The following PAM variants were observed in gnomAD, a reference collection of about 807,000 sequenced individuals.
PAM encodes the protein peptidylglycine alpha-amidating monooxygenase, also known as peptidyl-glycine alpha-amidating monooxygenase.
PAM carries 72 observed loss-of-function variants against 122.1 expected under a neutral mutation model. The ratio of observed to expected loss-of-function variants is 0.59; its 90% confidence interval spans 0.49 to 0.72. PAM has a LOEUF of 0.72. Ranked by LOEUF, PAM falls within the 30% of genes least tolerant of loss-of-function variation. The pLI, the probability that PAM is intolerant of heterozygous loss-of-function variation, is 0.00. For missense variants in PAM, 1,106 were observed against 1,183.7 expected (o/e 0.93, Z 0.96); for synonymous variants, 389 against 404.4 (o/e 0.96, Z 0.46).
At chr5:102,953,647 A>G (rs562032172) in intron 12 of PAM, among the ~76,000 whole-genome samples, 3 of 152,298 alleles carry the variant, frequency 2.0e-5, no homozygotes, top group Admixed American at 2.0e-4. Context: ...GCACAGAAGA[A>G]TGACTATAGT....
At chr5:102,978,156 A>G (rs967311599) in intron 15 of PAM, among the ~76,000 whole-genome samples, 2 of 152,210 alleles carry the variant, frequency 1.3e-5, no homozygotes, top group Admixed American at 1.3e-4. Context: ...ATTTTCTTGC[A>G]GTATGCAGGA....
intron 17 of PAM, among the ~76,000 whole-genome samples, chr5:103,004,386 C>G (rs757331562): frequency 6.6e-6 from 1 of 152,052 alleles, no homozygotes; most frequent in Non-Finnish European, 1.5e-5. Flanking sequence ...GGATCTAGTT[C>G]AGCTAATTAG....
intron 1 of PAM, among the ~76,000 whole-genome samples, chr5:102,811,504 C>A (rs184239578): frequency 6.6e-6 from 1 of 152,274 alleles, no homozygotes; most frequent in East Asian, 1.9e-4. Context: ...ATTGGGCCCA[C>A]CTGGATAATC....
chr5:102,789,507 G>A (rs1761489391), intron 1 of PAM, among the ~76,000 whole-genome samples: 1 of 152,072 alleles, frequency 6.6e-6, no homozygotes, highest in Non-Finnish European at 1.5e-5. Context: ...GATCCTTGAA[G>A]ACATTACGCT....
chr5:102,845,421 C>T (rs1779731246), intron 1 of PAM, among the ~76,000 whole-genome samples: 1 of 152,104 alleles, frequency 6.6e-6, no homozygotes, highest in Non-Finnish European at 1.5e-5. Flanking sequence ...TAAAGTGATG[C>T]CGTGTGGTCA....
chr5:102,771,269 A>G (rs1480071296), intron 1 of PAM, among the ~76,000 whole-genome samples: 1 of 152,070 alleles, frequency 6.6e-6, no homozygotes, highest in Non-Finnish European at 1.5e-5. Context: ...GTTGGGAACT[A>G]TGTCACCTAA....
At chr5:102,993,231 T>C (rs1394985919) in intron 16 of PAM, among the ~76,000 whole-genome samples, 3 of 152,142 alleles carry the variant, frequency 2.0e-5, no homozygotes, top group African/African-American at 7.2e-5. Context: ...AATGAAACTT[T>C]AAAGAGTCTC....
chr5:102,926,170 C>T (rs1561911093), intron 6 of PAM, among the ~76,000 whole-genome samples: 11 of 152,132 alleles, frequency 7.2e-5, no homozygotes, highest in Admixed American at 1.3e-4. Context: ...TCTCGGCTCA[C>T]TGCAAGCTCC....
At chr5:102,855,996 T>A (rs1782529547) in intron 1 of PAM, among the ~76,000 whole-genome samples, 2 of 152,136 alleles carry the variant, frequency 1.3e-5, no homozygotes, top group African/African-American at 4.8e-5. Context: ...TTCACACTTT[T>A]TTTGAAAAAA....
intron 6 of PAM, among the ~76,000 whole-genome samples, chr5:102,925,522 T>G: frequency 6.6e-6 from 1 of 152,216 alleles, no homozygotes; most frequent in Non-Finnish European, 1.5e-5. Context: ...ATTTATTACC[T>G]GGATATTTCT....
At chr5:102,906,678 G>A (rs961641163) in intron 4 of PAM, among the ~76,000 whole-genome samples, 1 of 151,708 alleles carries the variant, frequency 6.6e-6, no homozygotes, top group Non-Finnish European at 1.5e-5. Flanking sequence ...AGAAGTAAAT[G>A]AGTGCCTGGC....
intron 1 of PAM, among the ~76,000 whole-genome samples, chr5:102,823,943 T>C (rs1000641109): frequency 2.6e-5 from 4 of 152,162 alleles, no homozygotes; most frequent in Non-Finnish European, 5.9e-5. Flanking sequence ...AGGAGAAAAA[T>C]ACTCAAAGTT....
chr5:102,979,840 AG>A (rs1769133978), intron 15 of PAM, among the ~76,000 whole-genome samples: 1 of 151,926 alleles, frequency 6.6e-6, no homozygotes, highest in African/African-American at 2.4e-5. Context: ...AATATATGGC[AG>A]GATATGCGGC....
intron 1 of PAM, among the ~76,000 whole-genome samples, chr5:102,800,877 A>AAATC (rs1272651872): frequency 6.6e-6 from 1 of 152,176 alleles, no homozygotes; most frequent in African/African-American, 2.4e-5. Flanking sequence ...GGAATGCATG[A>AAATC]AATCCCCTAC....
At chr5:102,828,525 CTG>C (rs1392651624) in intron 1 of PAM, among the ~76,000 whole-genome samples, 1 of 152,140 alleles carries the variant, frequency 6.6e-6, no homozygotes, top group Non-Finnish European at 1.5e-5. Flanking sequence ...TAACTGCTAT[CTG>C]TGCTCTGATT....
At chr5:102,891,369 A>ATTCTTTTTTT (rs1409489514) in intron 3 of PAM, among the ~76,000 whole-genome samples, 1 of 151,860 alleles carries the variant, frequency 6.6e-6, no homozygotes, top group Non-Finnish European at 1.5e-5. Context: ...ATGTTTTTAT[A>ATTCTTTTTTT]TTTGATTTTA....
intron 3 of PAM, among the ~76,000 whole-genome samples, chr5:102,871,846 G>A (rs1354480865): frequency 5.3e-5 from 8 of 150,668 alleles, no homozygotes; most frequent in Non-Finnish European, 1.2e-4. Flanking sequence ...TCTAATGTAA[G>A]TACTTTCAAA....
At chr5:102,784,611 C>T (rs1183227312) in intron 1 of PAM, among the ~76,000 whole-genome samples, 1 of 152,160 alleles carries the variant, frequency 6.6e-6, no homozygotes, top group Admixed American at 6.5e-5. Flanking sequence ...AATGTAGCCT[C>T]TTCCATATTA....
Position 102,766,926 on chromosome 5 carries a change from A to ATTTTTTTTTTTTTTTTTTTTTTTT in PAM, c.-374+11586_-374+11609dup. 3.2e-3 allele frequency among the ~76,000 whole-genome samples: 83 copies of ATTTTTTTTTTTTTTTTTTTTTTTT among 25,856 alleles called. 36 individuals carry two copies. Among genetic ancestry groups the ATTTTTTTTTTTTTTTTTTTTTTTT allele is most frequent in the East Asian group, 7.1e-3 (5 of 704 alleles). The allele number at this position is 25,856 out of a possible 152,430, so 17.0% of individuals were successfully genotyped here. The stretch of plus-strand genomic sequence containing the variant: ...ATTTATTTTATTGCTTCAGTTGTGG[A>ATTTTTTTTTTTTTTTTTTTTTTTT]TTTTTTTTTTTTTTTTTTTTTTTTT... On this transcript the variant is annotated intron_variant, in intron 1 of 25. Transcript: ENST00000438793.
Sources: gnomAD v4.1 joint callset for allele counts (sites outside exome capture counted in the v4.1 genomes callset) on GRCh38, gnomAD v4.1.1 for gene constraint, MANE v1.5 for transcripts, NCBI Gene and HGNC (gene_info 2026-07-23, HGNC 2026-07-21) for gene names.